AGBL4: variants seen among roughly 807,000 people sequenced by gnomAD.
AGBL4 encodes the protein AGBL carboxypeptidase 4, also known as cytosolic carboxypeptidase 6.
A neutral mutation model predicts 66.4 loss-of-function variants in AGBL4; 58 were observed. The ratio of observed to expected loss-of-function variants is 0.87; its 90% CI spans 0.71 to 1.09. AGBL4 has a LOEUF of 1.09. Among genes scored for constraint, AGBL4 ranks in the 50% least tolerant of loss-of-function variants. The probability of loss-of-function intolerance (pLI) is 0.00; values close to 1 mark genes in which losing one functional copy is unlikely to be tolerated. For missense variants in AGBL4, 579 were observed against 631.0 expected, an observed-to-expected ratio of 0.92 and a Z score of 0.88; for synonymous variants, 234 against 222.9, an observed-to-expected ratio of 1.05 and a Z score of -0.44.
At chr1:48,570,479 G>T (rs1357945138) in intron 11 of AGBL4, among the ~76,000 whole-genome samples, 2 of 152,180 alleles carry the variant, frequency 1.3e-5, no homozygotes, top group African/African-American at 4.8e-5. Flanking sequence ...TGGGGCTTTG[G>T]GTTCAGAGCT....
At chr1:48,983,782 C>A (rs561504777) in intron 5 of AGBL4, among the ~76,000 whole-genome samples, 25 of 151,952 alleles carry the variant, frequency 1.6e-4, no homozygotes, top group Non-Finnish European at 3.2e-4. Context: ...GAAATAATAG[C>A]AATAATAATA....
chr1:48,932,912 A>AAC (rs201626426), intron 5 of AGBL4, among the ~76,000 whole-genome samples: 77 of 151,296 alleles, frequency 5.1e-4, no homozygotes, highest in South Asian at 1.9e-3. Flanking sequence ...AACAGGTAAA[A>AAC]ACACACACAC....
At chr1:48,549,901 G>A (rs542017137) in intron 11 of AGBL4, among the ~76,000 whole-genome samples, 16 of 152,290 alleles carry the variant, frequency 1.1e-4, no homozygotes, top group African/African-American at 2.9e-4. Context: ...AGGACAGACT[G>A]TAAATGAGAT....
chr1:48,913,881 G>C (rs1653360579), intron 5 of AGBL4, among the ~76,000 whole-genome samples: 1 of 152,154 alleles, frequency 6.6e-6, no homozygotes, highest in South Asian at 2.1e-4. Flanking sequence ...CTGGATCCAA[G>C]TAGATTGTCA....
At chr1:48,889,993 T>TGTGC (rs1650779591) in intron 5 of AGBL4, among the ~76,000 whole-genome samples, 1 of 71,626 alleles carries the variant, frequency 1.4e-5, no homozygotes, top group Non-Finnish European at 2.9e-5. Flanking sequence ...TGCTTGCGTG[T>TGTGC]GTGTGTGTGT....
Position 49,564,743 on chromosome 1 carries a change from G to T in AGBL4, c.282+132570C>A, listed in dbSNP as rs573489736. Among the ~76,000 whole-genome samples the T allele has an allele frequency of 7.2e-5, 11 of 152,206 alleles. No individual in the cohort carries two copies. In the South Asian group the frequency reaches 2.3e-3, roughly 32 times the overall value. ...TACTTCCAACTATGTGGTCAATTTT[G>T]GAATAGGTGTGATGTGGTGCTGAAA... On this transcript the variant is annotated intron_variant, in intron 3 of 13. Coordinates refer to ENST00000371839, the MANE Select transcript of AGBL4 (RefSeq NM_032785.4).
At chr1:49,906,412 G>A (rs72905732) in intron 1 of AGBL4, among the ~76,000 whole-genome samples, 16 of 151,840 alleles carry the variant, frequency 1.1e-4, no homozygotes, top group African/African-American at 3.1e-4. Flanking sequence ...GACCATCACC[G>A]GAATAAGTAA....
chr1:49,809,767 A>T (rs1285895062), intron 2 of AGBL4, among the ~76,000 whole-genome samples: 1 of 152,198 alleles, frequency 6.6e-6, no homozygotes, highest in East Asian at 1.9e-4. Flanking sequence ...TAAAGAAAGG[A>T]TAACAACCAG....
rs187202004 is a variant in AGBL4 at position 48,743,083 on chromosome 1, C to T, written c.635-79842G>A. 5.3e-5 allele frequency among the ~76,000 whole-genome samples: 8 copies of T among 152,224 alleles called. No individual in the cohort carries two copies. The South Asian group carries it at 6.2e-4, about 12-fold the overall frequency. On this transcript the variant is annotated intron_variant, in intron 6 of 13. Coordinates refer to ENST00000371839, the MANE Select transcript of AGBL4 (RefSeq NM_032785.4). ...CCTGCATAGGAAAGAGGTTCTGTTA[C>T]GCCTGGGTTGGAGGAGAAGGGGTGG...
chr1:49,744,343 C>T (rs1347292796), intron 2 of AGBL4, among the ~76,000 whole-genome samples: 12 of 152,090 alleles, frequency 7.9e-5, no homozygotes, highest in Admixed American at 7.9e-4. Flanking sequence ...ATGCCTTGCT[C>T]CCCATTTGCC....
rs182328059 is a variant in AGBL4, at chr1:49,683,251, G to A, written c.282+14062C>T. 3.4e-4 allele frequency among the ~76,000 whole-genome samples: 52 copies of A among 152,216 alleles called. 1 individual carries two copies. The South Asian group carries it at 5.2e-3, about 15-fold the overall frequency. On this transcript the variant is annotated intron_variant, in intron 3 of 13. Coordinates refer to ENST00000371839, the MANE Select transcript of AGBL4 (RefSeq NM_032785.4). ...AAAATCTCATTACCCCTAAAAAAGCGGAGTCTTGATGTCCAAAAGGAGGCT... is the reference window on the plus strand; with the variant it reads ...AAAATCTCATTACCCCTAAAAAAGCAGAGTCTTGATGTCCAAAAGGAGGCT...
At chr1:49,586,967 T>C (rs1644660420) in intron 3 of AGBL4, among the ~76,000 whole-genome samples, 1 of 152,162 alleles carries the variant, frequency 6.6e-6, no homozygotes, top group African/African-American at 2.4e-5. Flanking sequence ...ATTGGTTTGT[T>C]CCATTCCTAC....
intron 3 of AGBL4, 110 bp from the exon 4 acceptor site, chr1:49,245,974 A>G: frequency 1.3e-6 from 1 of 750,500 alleles, no homozygotes; most frequent in South Asian, 1.7e-5. Context: ...ATGGACTAGC[A>G]GGCAACTGTA....
intron 3 of AGBL4, among the ~76,000 whole-genome samples, chr1:49,321,577 TA>T (rs1305885219): frequency 1.3e-5 from 2 of 152,176 alleles, no homozygotes; most frequent in African/African-American, 4.8e-5. Context: ...CACTTCTAGG[TA>T]TATGTCTTAG....
At chr1:48,819,242 G>A (rs1646257538) in intron 6 of AGBL4, among the ~76,000 whole-genome samples, 1 of 152,214 alleles carries the variant, frequency 6.6e-6, no homozygotes, top group Non-Finnish European at 1.5e-5. Context: ...AGGTATGGAA[G>A]TGTGAAAGAA....
At chr1:49,693,438 G>T (rs1646926248) in intron 3 of AGBL4, among the ~76,000 whole-genome samples, 1 of 152,012 alleles carries the variant, frequency 6.6e-6, no homozygotes, top group South Asian at 2.1e-4. Context: ...TTTGATAACA[G>T]AAAATTGTCT....
intron 3 of AGBL4, among the ~76,000 whole-genome samples, chr1:49,563,443 G>C (rs1294202021): frequency 6.6e-6 from 1 of 152,100 alleles, no homozygotes; most frequent in Non-Finnish European, 1.5e-5. Context: ...TTGGCTGTGG[G>C]TTTGTCACAG....
At chr1:49,719,062 C>T (rs1210371786) in intron 2 of AGBL4, among the ~76,000 whole-genome samples, 2 of 151,950 alleles carry the variant, frequency 1.3e-5, no homozygotes, top group Admixed American at 1.3e-4. Context: ...TTGCAAGTGG[C>T]CCTCTGCAGC....
At chr1:48,691,660 A>G (rs1646635275) in intron 6 of AGBL4, among the ~76,000 whole-genome samples, 1 of 152,040 alleles carries the variant, frequency 6.6e-6, no homozygotes, top group Non-Finnish European at 1.5e-5. Context: ...CATTTGCATA[A>G]CTCTATGGGG....
Sources: allele counts gnomAD v4.1 joint callset (sites outside exome capture counted in the v4.1 genomes callset), GRCh38; gene constraint gnomAD v4.1.1; transcripts MANE v1.5; gene names NCBI Gene and HGNC (gene_info 2026-07-23, HGNC 2026-07-21).